GPC6: variants seen among roughly 807,000 people sequenced by gnomAD.
GPC6 encodes glypican 6, also known as glypican-6.
Under a neutral mutation model 55.2 loss-of-function variants are expected in GPC6, and 14 were observed. The observed-to-expected ratio is 0.25, with a 90% confidence interval of 0.17 to 0.40. GPC6 has a LOEUF of 0.40. Among genes scored for constraint, GPC6 ranks in the 10% least tolerant of loss-of-function variants. GPC6 has a pLI of 1.00. For missense variants in GPC6, 641 were observed against 708.5 expected (o/e 0.90, Z 1.08); for synonymous variants, 278 against 259.6 (o/e 1.07, Z -0.68).
At chr13:93,366,918 A>G (rs1292749101) in intron 1 of GPC6, among the ~76,000 whole-genome samples, 1 of 152,064 alleles carries the variant, frequency 6.6e-6, no homozygotes, top group Non-Finnish European at 1.5e-5. Context: ...CAATTCGTAC[A>G]CTTCCAATTA....
chr13:93,735,768 G>C (rs1883980081), intron 2 of GPC6, among the ~76,000 whole-genome samples: 1 of 152,166 alleles, frequency 6.6e-6, no homozygotes, highest in Non-Finnish European at 1.5e-5. Flanking sequence ...TTGTATTATG[G>C]ACTATATGAA....
chr13:93,335,288 A>G (rs1429757590), intron 1 of GPC6, among the ~76,000 whole-genome samples: 1 of 152,222 alleles, frequency 6.6e-6, no homozygotes, highest in African/African-American at 2.4e-5. Flanking sequence ...CTGACTATAT[A>G]TAATTCTCTA....
intron 1 of GPC6, among the ~76,000 whole-genome samples, chr13:93,335,109 C>A (rs1295970250): frequency 1.3e-5 from 2 of 152,156 alleles, no homozygotes; most frequent in African/African-American, 4.8e-5. Context: ...CTTCCATTCC[C>A]CATGTCAGTG....
chr13:93,702,082 G>A (rs1308076277), intron 2 of GPC6, among the ~76,000 whole-genome samples: 1 of 151,934 alleles, frequency 6.6e-6, no homozygotes, highest in Non-Finnish European at 1.5e-5. Flanking sequence ...TCCATCAGAG[G>A]AATCACTATC....
intron 1 of GPC6, among the ~76,000 whole-genome samples, chr13:93,471,587 CATTG>C (rs1346402707): frequency 6.6e-6 from 1 of 152,096 alleles, no homozygotes; most frequent in Non-Finnish European, 1.5e-5. Flanking sequence ...ACTATATTTT[CATTG>C]AGTTTAAAAT....
chr13:94,138,262 CA>C (rs1406156835), intron 4 of GPC6, among the ~76,000 whole-genome samples: 80 of 152,236 alleles, frequency 5.3e-4, no homozygotes, highest in African/African-American at 1.9e-3. Flanking sequence ...AAATCTGAAA[CA>C]CTTCTGGTTC....
At chr13:93,768,811 T>G (rs1159752541) in intron 2 of GPC6, among the ~76,000 whole-genome samples, 2 of 152,132 alleles carry the variant, frequency 1.3e-5, no homozygotes, top group Non-Finnish European at 2.9e-5. Context: ...TAGTACACAT[T>G]TATGGTAAAA....
At chr13:93,378,736 T>C (rs9589722) in intron 1 of GPC6, among the ~76,000 whole-genome samples, 2,430 of 152,146 alleles carry the variant, frequency 0.016, 69 homozygotes, top group African/African-American at 0.054. Context: ...TGGCTCACGC[T>C]TGTAATCCCA....
At position 93,489,234 on chromosome 13, in the gene GPC6, T is replaced by A. The variant is rs146105249; in HGVS notation, c.161-56029T>A. Among the ~76,000 whole-genome samples the A allele has an allele frequency of 4.3e-3, 646 of 151,684 alleles. 3 individuals are homozygous for A. The highest frequency in any genetic ancestry group is 0.014 in the African/African-American group (597 of 41,564). On this transcript the variant is annotated intron_variant, in intron 1 of 8. Coordinates refer to ENST00000377047, the MANE Select transcript of GPC6 (RefSeq NM_005708.5). ...GACATTTACTAAATACGGAATCCTTTCCCTATTTCTTGCTTTTGTCAGGTT... is the reference window on the plus strand; with the variant it reads ...GACATTTACTAAATACGGAATCCTTACCCTATTTCTTGCTTTTGTCAGGTT...
chr13:94,185,368 T>C (rs1007231267), intron 4 of GPC6, among the ~76,000 whole-genome samples: 34 of 152,122 alleles, frequency 2.2e-4, no homozygotes, highest in Non-Finnish European at 4.6e-4. Context: ...TATCATCCTT[T>C]CATTTCACAC....
intron 4 of GPC6, among the ~76,000 whole-genome samples, chr13:94,216,702 G>A (rs1456206273): frequency 6.6e-6 from 1 of 152,124 alleles, no homozygotes; most frequent in East Asian, 1.9e-4. Context: ...ATAGTGGTCA[G>A]AACCCTAGGA....
At chr13:93,416,921 G>A (rs1876722125) in intron 1 of GPC6, among the ~76,000 whole-genome samples, 1 of 152,112 alleles carries the variant, frequency 6.6e-6, no homozygotes, top group Admixed American at 6.6e-5. Flanking sequence ...TTCAAGTCTA[G>A]TGCTTCTTTC....
intron 4 of GPC6, among the ~76,000 whole-genome samples, chr13:94,179,801 T>G (rs1888919182): frequency 6.6e-6 from 1 of 152,214 alleles, no homozygotes; most frequent in African/African-American, 2.4e-5. Context: ...TCTATGTATT[T>G]TTCTTACCTT....
At chr13:93,589,955 A>G (rs921943946) in intron 2 of GPC6, among the ~76,000 whole-genome samples, 23 of 152,320 alleles carry the variant, frequency 1.5e-4, no homozygotes, top group Middle Eastern at 3.4e-3. Context: ...CTTCTGTGAA[A>G]TGGAATCTTG....
At chr13:94,390,346 G>A (rs1880589355) in intron 7 of GPC6, among the ~76,000 whole-genome samples, 1 of 152,194 alleles carries the variant, frequency 6.6e-6, no homozygotes, top group African/African-American at 2.4e-5. Flanking sequence ...CCTTGGAAAG[G>A]TGGGTGTATT....
chr13:93,980,165 C>T (rs2140403896), intron 3 of GPC6, among the ~76,000 whole-genome samples: 1 of 152,068 alleles, frequency 6.6e-6, no homozygotes, highest in East Asian at 1.9e-4. Flanking sequence ...GTGCCTGTAC[C>T]AACTGAGGCT....
At chr13:93,629,505 G>A (rs1319611589) in intron 2 of GPC6, among the ~76,000 whole-genome samples, 12 of 152,048 alleles carry the variant, frequency 7.9e-5, no homozygotes, top group Admixed American at 6.6e-4. Flanking sequence ...AAATCTTTAT[G>A]ATTCACAATT....
At chr13:93,960,363 C>T (rs575357455) in intron 3 of GPC6, among the ~76,000 whole-genome samples, 138 of 152,326 alleles carry the variant, frequency 9.1e-4, no homozygotes, top group African/African-American at 2.0e-3. Context: ...ATCACAGTCA[C>T]GGATCTCCGT....
At chr13:93,594,608 C>A (rs117114873) in intron 2 of GPC6, among the ~76,000 whole-genome samples, 2,313 of 152,016 alleles carry the variant, frequency 0.015, 61 homozygotes, top group Admixed American at 0.073. Flanking sequence ...TTATGCTCTC[C>A]TGCTAAAAGA....
Sources: allele counts gnomAD v4.1 joint callset (sites outside exome capture counted in the v4.1 genomes callset), GRCh38; gene constraint gnomAD v4.1.1; transcripts MANE v1.5; gene names NCBI Gene and HGNC (gene_info 2026-07-23, HGNC 2026-07-21).